MINDY4B: variants seen among roughly 807,000 people sequenced by gnomAD.
The protein encoded by MINDY4B is MINDY family member 4B, also known as inactive ubiquitin carboxyl-terminal hydrolase MINDY-4B.
Under a neutral mutation model 16.7 loss-of-function variants are expected in MINDY4B, and 25 were observed. The observed-to-expected ratio is 1.49, with a 90% CI of 1.09 to 2.09. The LOEUF is 2.09. Among genes scored for constraint, MINDY4B ranks in the 30% most tolerant of loss-of-function variants. The pLI, the probability that MINDY4B is intolerant of heterozygous loss-of-function variation, is 0.00. For missense variants in MINDY4B, 327 were observed against 168.4 expected (o/e 1.94, Z -5.21); for synonymous variants, 132 against 61.9 (o/e 2.13, Z -5.32).
Position 150,893,368 on chromosome 3 carries a change from T to C in MINDY4B, c.477A>G (p.Lys159=), listed in dbSNP as rs1008412688. ...IQMAVQGSII[K]YLLFTRKGKD... ...TTCCTTTCCTGGTAAACAACAAGTATTTGATGATGGATCCTTGCACAGCCA... is the reference window on the plus strand; with the variant it reads ...TTCCTTTCCTGGTAAACAACAAGTACTTGATGATGGATCCTTGCACAGCCA... Residue 159 remains lysine (K), a synonymous_variant, in exon 5 of 12, where the codon AAA becomes AAG. Transcript: ENST00000465419. 3 of 702,692 alleles carry C rather than the reference T, an allele frequency of 4.3e-6. No individual in the cohort carries two copies. The African/African-American group carries it at 5.2e-5, about 12-fold the overall frequency. The allele number at this position is 702,692 out of a possible 1,614,324, so 43.5% of individuals were successfully genotyped here. A position where few individuals can be genotyped will look rare whatever the true frequency, so the allele number is the denominator to read the frequency against.
chr3:150,891,056 G>T lies in MINDY4B; in HGVS notation c.569C>A (p.Ala190Glu). The change falls in exon 6 of 12, where the codon GCG becomes GAG. Residue 190 changes from alanine to glutamate, a missense_variant. Transcript: ENST00000465419. The stretch of plus-strand genomic sequence containing the variant: ...TGCAGCCCACAGGATGCCAGCAAGC[G>T]CCGCGGCCAAGGCTTGCTCCTGCTC... ...KKEQEQALAA[A>E]LAGILWAAGA... The T allele has an allele frequency of 7.1e-6, 5 of 702,834 alleles. No individual in the cohort carries two copies. Among genetic ancestry groups the T allele is most frequent in the Non-Finnish European group, 1.3e-5 (5 of 384,824 alleles). 43.5% of individuals were successfully genotyped at this position (702,834 alleles called of 1,614,324 possible).
At chr3:150,876,175 A>G (rs953124845) in intron 10 of MINDY4B, among the ~76,000 whole-genome samples, 11 of 152,242 alleles carry the variant, frequency 7.2e-5, no homozygotes, top group Admixed American at 5.9e-4. Flanking sequence ...TAATCAGCCC[A>G]GTATTTTCAG....
At chr3:150,882,776 T>C (rs1409270229) in intron 10 of MINDY4B, 121 bp downstream of exon 10, 5 of 459,856 alleles carry the variant, frequency 1.1e-5, no homozygotes, top group African/African-American at 4.0e-5. Context: ...AGGAGGGAGG[T>C]ACACAGGCAG....
At chr3:150,884,010 TC>T (rs1216650511) in intron 8 of MINDY4B, among the ~76,000 whole-genome samples, 1 of 152,148 alleles carries the variant, frequency 6.6e-6, no homozygotes, top group African/African-American at 2.4e-5. Flanking sequence ...TCTCAAATGT[TC>T]GAATCCCTGT....
chr3:150,892,940 CAA>C (rs36086608), intron 5 of MINDY4B, among the ~76,000 whole-genome samples: 5 of 138,914 alleles, frequency 3.6e-5, no homozygotes, highest in Admixed American at 1.4e-4. Flanking sequence ...GACTTTGTTG[CAA>C]AAAAAAAAAA....
chr3:150,891,597 A>G (rs1296295613), intron 5 of MINDY4B, among the ~76,000 whole-genome samples: 3 of 151,858 alleles, frequency 2.0e-5, no homozygotes, highest in Admixed American at 6.6e-5. Flanking sequence ...CCCCTTCTAT[A>G]CTTAAAATAT....
At chr3:150,897,760 A>G (rs1287053524) in intron 3 of MINDY4B, among the ~76,000 whole-genome samples, 1 of 152,208 alleles carries the variant, frequency 6.6e-6, no homozygotes, top group African/African-American at 2.4e-5. Context: ...ACTTGAAGAA[A>G]AACTATGTGT....
At chr3:150,873,967 G>A (rs16862928) in intron 10 of MINDY4B, among the ~76,000 whole-genome samples, 3 of 146,906 alleles carry the variant, frequency 2.0e-5, no homozygotes, top group Non-Finnish European at 3.0e-5. Context: ...GCTTGTTATC[G>A]GTTTTTTTCT....
chr3:150,890,400 CAG>C lies in MINDY4B; in HGVS notation c.688-17_688-16del, dbSNP rs1314268956. ...AACAGCTGGAGCTATAAATCAGGAA[CAG>C]AAGATAAAAATGAAAAGGAAGATGA... On this transcript the variant is annotated splice_polypyrimidine_tract_variant and intron_variant, in intron 6 of 11. Transcript: ENST00000465419. The C allele has an allele frequency of 3.3e-6, 2 of 615,240 alleles. No homozygotes were observed. The highest frequency in any genetic ancestry group is 5.7e-6 in the Non-Finnish European group (2 of 350,720). 38.1% of individuals were successfully genotyped at this position (615,240 alleles called of 1,614,324 possible).
At chr3:150,896,490 T>C (rs950932279) in intron 3 of MINDY4B, among the ~76,000 whole-genome samples, 2 of 152,160 alleles carry the variant, frequency 1.3e-5, no homozygotes, top group African/African-American at 4.8e-5. Context: ...TTGGTTTTCT[T>C]GTTCTTTCTC....
At chr3:150,883,193 T>C in intron 9 of MINDY4B, 135 bp from the exon 10 acceptor site, 1 of 571,184 alleles carries the variant, frequency 1.8e-6, no homozygotes. Context: ...TCAGGAAAAA[T>C]ATGTCCTAAA....
chr3:150,879,309 T>C (rs1370692023), intron 10 of MINDY4B, among the ~76,000 whole-genome samples: 1 of 152,102 alleles, frequency 6.6e-6, no homozygotes. Flanking sequence ...CATTTTTAAA[T>C]GTCTGGAGAC....
At chr3:150,900,828 C>T (rs540117432) in intron 3 of MINDY4B, among the ~76,000 whole-genome samples, 3 of 152,138 alleles carry the variant, frequency 2.0e-5, no homozygotes, top group Non-Finnish European at 2.9e-5. Context: ...CTCAGAGTTT[C>T]TCGCCTCCCC....
At chr3:150,899,856 G>A (rs1014691009) in intron 3 of MINDY4B, among the ~76,000 whole-genome samples, 3 of 152,116 alleles carry the variant, frequency 2.0e-5, no homozygotes, top group Non-Finnish European at 4.4e-5. Flanking sequence ...GGGGACACCC[G>A]GCTGTGCTTC....
chr3:150,904,942 G>A lies in MINDY4B; in HGVS notation c.141+120C>T, dbSNP rs190450718. ...GCTTTCTAGTTTTATGTTTTCACGC[G>A]TTAAATGCCAGTGCCTGAGTGACAT... On this transcript the variant is annotated intron_variant, in intron 2 of 11. Coordinates refer to ENST00000465419, the MANE Select transcript of MINDY4B (RefSeq NM_001351281.2). 7.0e-5 allele frequency: 28 copies of A among 397,598 alleles called. 1 individual carries two copies. The highest frequency in any genetic ancestry group is 1.3e-3 in the Middle Eastern group (2 of 1,580). The allele number at this position is 397,598 out of a possible 1,614,324, so 24.6% of individuals were successfully genotyped here. A position where few individuals can be genotyped will look rare whatever the true frequency, so the allele number is the denominator to read the frequency against.
chr3:150,900,890 A>G (rs184513370), intron 3 of MINDY4B, among the ~76,000 whole-genome samples: 57 of 152,326 alleles, frequency 3.7e-4, no homozygotes, highest in African/African-American at 1.3e-3. Flanking sequence ...TGCTTTTTCT[A>G]TTTTTAAAAT....
At chr3:150,876,205 G>A (rs1711496939) in intron 10 of MINDY4B, among the ~76,000 whole-genome samples, 1 of 152,158 alleles carries the variant, frequency 6.6e-6, no homozygotes, top group Admixed American at 6.5e-5. Context: ...CAGCAATCAG[G>A]CTTTTCATAA....
At chr3:150,879,627 G>A (rs1019969713) in intron 10 of MINDY4B, among the ~76,000 whole-genome samples, 1 of 152,126 alleles carries the variant, frequency 6.6e-6, no homozygotes, top group Non-Finnish European at 1.5e-5. Context: ...TGAAAATGTG[G>A]GGGCCCTCGT....
intron 5 of MINDY4B, among the ~76,000 whole-genome samples, chr3:150,892,575 A>G (rs1317017484): frequency 6.6e-6 from 1 of 152,202 alleles, no homozygotes; most frequent in African/African-American, 2.4e-5. Context: ...TTCTAGGAAT[A>G]AAGTAATTTG....
Sources: gnomAD v4.1 joint callset for allele counts (sites outside exome capture counted in the v4.1 genomes callset) on GRCh38, gnomAD v4.1.1 for gene constraint, MANE v1.5 for transcripts, NCBI Gene and HGNC (gene_info 2026-07-23, HGNC 2026-07-21) for gene names.